CSMD2: variants seen among roughly 807,000 people sequenced by gnomAD.
CSMD2 encodes CUB and sushi domain-containing protein 2.
CSMD2 carries 130 observed loss-of-function variants against 398.5 expected under a neutral mutation model. That is an observed-to-expected ratio of 0.33 (90% CI 0.28 to 0.38). The LOEUF is 0.38. Ranked by LOEUF, CSMD2 falls within the 10% of genes least tolerant of loss-of-function variation. CSMD2 has a pLI of 1.00. For synonymous variants in CSMD2, 1,828 were observed against 1,908.5 expected (o/e 0.96, Z 1.10); for missense variants, 3,829 against 4,764.9 (o/e 0.80, Z 5.78).
At chr1:34,034,247 T>C (rs957864450) in intron 2 of CSMD2, among the ~76,000 whole-genome samples, 1 of 152,050 alleles carries the variant, frequency 6.6e-6, no homozygotes, top group Admixed American at 6.6e-5. Flanking sequence ...GTTCTGATGG[T>C]ACTCCACCTA....
chr1:33,992,526 T>A (rs1335932129), intron 3 of CSMD2, among the ~76,000 whole-genome samples: 1 of 151,304 alleles, frequency 6.6e-6, no homozygotes, highest in Admixed American at 6.6e-5. Flanking sequence ...CTAGCATGGC[T>A]TTTTTAACAG....
chr1:33,831,564 A>G (rs1214119644), intron 6 of CSMD2, among the ~76,000 whole-genome samples: 1 of 152,044 alleles, frequency 6.6e-6, no homozygotes, highest in Non-Finnish European at 1.5e-5. Flanking sequence ...ATCATGCCAA[A>G]ATGTAAAGAC....
At position 33,998,593 on chromosome 1, in the gene CSMD2, G is replaced by C. The variant is rs374973674; in HGVS notation, c.517+34001C>G. 9.2e-5 allele frequency among the ~76,000 whole-genome samples: 14 copies of C among 152,296 alleles called. No individual in the cohort carries two copies. The South Asian group carries it at 2.9e-3, about 32-fold the overall frequency. ...CAGCCTGCAGATCTGTAGACTCCTA[G>C]CCTGGCAGCCCTCAGATCCAGTTCT... On this transcript the variant is annotated intron_variant, in intron 3 of 70. Coordinates refer to ENST00000373381, the MANE Select transcript of CSMD2 (RefSeq NM_001281956.2).
At chr1:33,984,840 A>G (rs1358094911) in intron 3 of CSMD2, among the ~76,000 whole-genome samples, 1 of 134,014 alleles carries the variant, frequency 7.5e-6, no homozygotes, top group African/African-American at 3.3e-5. Flanking sequence ...GGGAAGGAGG[A>G]AGGAAGGAAG....
intron 23 of CSMD2, 123 bp downstream of exon 23, chr1:33,700,393 AT>A: frequency 1.0e-6 from 1 of 979,184 alleles, no homozygotes. Context: ...ATGGATACAT[AT>A]TGGATTTTAA....
chr1:34,136,373 A>G (rs1326309242), intron 1 of CSMD2, among the ~76,000 whole-genome samples: 1 of 152,250 alleles, frequency 6.6e-6, no homozygotes, highest in Admixed American at 6.5e-5. Context: ...GGTTCCAAAA[A>G]AAGTGTGAAC....
chr1:33,940,792 T>C (rs979197900), intron 3 of CSMD2, among the ~76,000 whole-genome samples: 5 of 152,200 alleles, frequency 3.3e-5, no homozygotes, highest in African/African-American at 1.2e-4. Flanking sequence ...TGAAGAGAGA[T>C]TACCCGACTG....
chr1:33,623,457 C>T lies in CSMD2; in HGVS notation c.5635G>A (p.Val1879Ile). 2 of 1,613,924 alleles carry T rather than the reference C, an allele frequency of 1.2e-6. No individual in the cohort carries two copies. Among genetic ancestry groups the T allele is most frequent in the South Asian group, 1.1e-5 (1 of 91,064 alleles). ...PEGAGIQIQV[V>I]SFVTEQNWDS... ...CAGTTCTGCTCTGTCACAAAACTGACAACTTGGATCTGGGAAGGGAGAAGA... is the reference window on the plus strand; with the variant it reads ...CAGTTCTGCTCTGTCACAAAACTGATAACTTGGATCTGGGAAGGGAGAAGA... The change falls in exon 36 of 71, where the codon GTC (valine) becomes ATC (isoleucine). Residue 1879 changes from valine to isoleucine, a missense_variant. Physicochemically the swap from Val to Ile is conservative, Grantham distance 29. This residue lies in a region of CSMD2 where 2,001 missense variants were observed against 2,567.1 expected (regional missense o/e 0.78). Transcript: ENST00000373381.
chr1:33,975,486 T>TATACACACACACAC (rs145373689), intron 3 of CSMD2, among the ~76,000 whole-genome samples: 2,130 of 146,454 alleles, frequency 0.015, 77 homozygotes, highest in East Asian at 0.1. Flanking sequence ...CTCCCAAGTG[T>TATACACACACACAC]ACACACACAC....
At chr1:33,590,070 A>T (rs372314204) in intron 44 of CSMD2, among the ~76,000 whole-genome samples, 5 of 151,972 alleles carry the variant, frequency 3.3e-5, no homozygotes, top group African/African-American at 1.2e-4. Flanking sequence ...CAGCCTGGGT[A>T]CTTTATATTT....
chr1:33,906,328 T>C (rs1169255138), intron 5 of CSMD2, among the ~76,000 whole-genome samples: 1 of 152,246 alleles, frequency 6.6e-6, no homozygotes. Context: ...CAGAAGATGA[T>C]TGAAAGCTTT....
intron 5 of CSMD2, among the ~76,000 whole-genome samples, chr1:33,900,173 T>G (rs1393571096): frequency 6.6e-6 from 1 of 152,254 alleles, no homozygotes; most frequent in East Asian, 1.9e-4. Context: ...CAAAGTCTTC[T>G]GTGCCCAATT....
intron 44 of CSMD2, among the ~76,000 whole-genome samples, chr1:33,589,786 TA>T (rs1639308686): frequency 6.6e-6 from 1 of 152,240 alleles, no homozygotes; most frequent in Non-Finnish European, 1.5e-5. Flanking sequence ...TCTTTGCCCC[TA>T]TTTTTCTTAT....
chr1:33,992,153 C>T lies in CSMD2; in HGVS notation c.517+40441G>A, dbSNP rs185932368. Among the ~76,000 whole-genome samples the T allele has an allele frequency of 1.1e-3, 164 of 152,280 alleles. 2 individuals carry two copies. Among genetic ancestry groups the T allele is most frequent in the African/African-American group, 3.7e-3 (153 of 41,544 alleles). ...AAACAAGCTTTGGAGAAGACAGTCT[C>T]ACAATAACAAAATTACAGCCCACAT... On this transcript the variant is annotated intron_variant, in intron 3 of 70. Transcript: ENST00000373381.
chr1:34,043,430 T>C (rs1420631124), intron 2 of CSMD2, among the ~76,000 whole-genome samples: 1 of 152,194 alleles, frequency 6.6e-6, no homozygotes, highest in Non-Finnish European at 1.5e-5. Flanking sequence ...CCTCAGAGAA[T>C]AGAGTACTTC....
chr1:33,716,172 G>T, intron 20 of CSMD2, 114 bp downstream of exon 20: 1 of 868,380 alleles, frequency 1.2e-6, no homozygotes, highest in Non-Finnish European at 1.8e-6. Flanking sequence ...CAACTTCCCA[G>T]GGACTGGAGA....
At chr1:33,780,646 T>C (rs1353942683) in intron 12 of CSMD2, among the ~76,000 whole-genome samples, 1 of 152,218 alleles carries the variant, frequency 6.6e-6, no homozygotes. Flanking sequence ...AATTACTTTC[T>C]ACCAAATTTT....
At position 34,164,822 on chromosome 1, in the gene CSMD2, AG is replaced by A. The variant is rs1165458825; in HGVS notation, c.187+88del. ...TTCAGGCAGGGATAGAGGCGGGGGG[AG>A]GGACTGGGACCGGGTCGAGGATGGG... On this transcript the variant is annotated intron_variant, in intron 1 of 70. Coordinates refer to ENST00000373381, the MANE Select transcript of CSMD2 (RefSeq NM_001281956.2). This position sits in a 1 kb window ranked among gnomAD's most constrained non-coding sequence, Gnocchi z 6.2. 1.1e-6 allele frequency: 1 copy of A among 883,820 alleles called. No individual in the cohort carries two copies. The highest frequency in any genetic ancestry group is 1.3e-6 in the Non-Finnish European group (1 of 754,268). The allele number at this position is 883,820 out of a possible 1,614,324, so 54.7% of individuals were successfully genotyped here.
intron 5 of CSMD2, among the ~76,000 whole-genome samples, chr1:33,887,207 A>G (rs1641658182): frequency 6.6e-6 from 1 of 150,934 alleles, no homozygotes; most frequent in Non-Finnish European, 1.5e-5. Context: ...AAAAATATTC[A>G]TTCTGGGAAT....
Sources: gnomAD v4.1 joint callset for allele counts (sites outside exome capture counted in the v4.1 genomes callset) on GRCh38, gnomAD v4.1.1 for gene constraint, gnomAD v4.1.1 regional missense constraint, Gnocchi (gnomAD v3.1) non-coding constraint, MANE v1.5 for transcripts, NCBI Gene and HGNC (gene_info 2026-07-23, HGNC 2026-07-21) for gene names.